Variants in CAV1 observed in about 807,000 individuals in gnomAD.
CAV1 encodes caveolin 1.
Under a neutral mutation model 16.5 loss-of-function variants are expected in CAV1, and 10 were observed. The ratio of observed to expected loss-of-function variants is 0.61; its 90% CI spans 0.37 to 1.03. The LOEUF (loss-of-function observed/expected upper bound fraction) is 1.03, where lower values mean the gene tolerates loss of function less well. Ranked by LOEUF, CAV1 falls within the 50% of genes least tolerant of loss-of-function variation. The probability of loss-of-function intolerance (pLI) is 0.01; values close to 1 mark genes in which losing one functional copy is unlikely to be tolerated. For synonymous variants in CAV1, 76 were observed against 85.1 expected (o/e 0.89, Z 0.59); for missense variants, 212 against 232.8 (o/e 0.91, Z 0.58).
intron 2 of CAV1, among the ~76,000 whole-genome samples, chr7:116,537,488 G>A (rs1793848408): frequency 6.6e-6 from 1 of 152,132 alleles, no homozygotes. Flanking sequence ...TCCTTTTGCA[G>A]ATAAGGAAAC....
In CAV1 at chr7:116,559,131, C is replaced by G; in HGVS notation, c.381C>G (p.Ile127Met). 5 of 1,613,986 alleles carry G rather than the reference C, an allele frequency of 3.1e-6. No individual in the cohort carries two copies. Among genetic ancestry groups the G allele is most frequent in the Non-Finnish European group, 3.4e-6 (4 of 1,179,932 alleles). Residue 127 changes from isoleucine to methionine, a missense_variant, in exon 3 of 3, where the codon ATC (isoleucine) becomes ATG (methionine). By Grantham distance (10) the Ile-to-Met change is conservative. Coordinates refer to ENST00000341049, the MANE Select transcript of CAV1 (RefSeq NM_001753.5). ...TCGCCATTCTCTCTTTCCTGCACATCTGGGCAGTTGTACCATGCATTAAGA... is the reference window on the plus strand; with the variant it reads ...TCGCCATTCTCTCTTTCCTGCACATGTGGGCAGTTGTACCATGCATTAAGA... ...IYFAILSFLH[I>M]WAVVPCIKSF...
chr7:116,533,607 A>G (rs1793731421), intron 2 of CAV1, among the ~76,000 whole-genome samples: 1 of 152,090 alleles, frequency 6.6e-6, no homozygotes, highest in Admixed American at 6.5e-5. Context: ...ATGTGCCACA[A>G]TTCCCGGCTA....
chr7:116,533,960 A>T (rs1344148843), intron 2 of CAV1, among the ~76,000 whole-genome samples: 1 of 151,996 alleles, frequency 6.6e-6, no homozygotes, highest in African/African-American at 2.4e-5. Flanking sequence ...TAATCCTCCT[A>T]TTGAAACATT....
intron 2 of CAV1, among the ~76,000 whole-genome samples, chr7:116,555,524 GAGAGAGAGAGAGAGAGAGAGAAAGA>G (rs1794259465): frequency 8.4e-5 from 1 of 11,956 alleles, no homozygotes; most frequent in Non-Finnish European, 1.7e-4. Flanking sequence ...AAGAAAGAGA[GAGAGAGAGAGAGAGAGAGAGAAAGA>G]AAGAAAGAAA....
chr7:116,537,057 C>G (rs1793834918), intron 2 of CAV1, among the ~76,000 whole-genome samples: 1 of 148,076 alleles, frequency 6.8e-6, no homozygotes, highest in African/African-American at 2.5e-5. Flanking sequence ...AGTCATGTCT[C>G]TTGTTGGTCA....
chr7:116,534,488 C>G (rs897352148), intron 2 of CAV1, among the ~76,000 whole-genome samples: 1 of 143,132 alleles, frequency 7.0e-6, no homozygotes, highest in Non-Finnish European at 1.5e-5. Context: ...CAAGCTCCGT[C>G]TCCCGGGTTC....
rs71528103 is a variant in CAV1 at position 116,559,614 on chromosome 7, GAAAA to G, written c.*338_*341del. The G allele has an allele frequency of 4.6e-5, 18 of 387,868 alleles. No homozygotes were observed. The South Asian group carries it at 5.1e-4, about 11-fold the overall frequency. 24.0% of individuals were successfully genotyped at this position (387,868 alleles called of 1,614,324 possible). The stretch of plus-strand genomic sequence containing the variant: ...GAGAGAAATATGAAGAACTGAGGAG[GAAAA>G]AAAAAAAAAAGAAAAGAACCAACAA... On this transcript the variant is annotated 3_prime_UTR_variant, in exon 3 of 3. Coordinates refer to ENST00000341049, the MANE Select transcript of CAV1 (RefSeq NM_001753.5).
intron 2 of CAV1, among the ~76,000 whole-genome samples, chr7:116,536,491 G>C (rs973687911): frequency 6.6e-6 from 1 of 152,146 alleles, no homozygotes. Context: ...CTCCAAAGCC[G>C]AACATATGTT....
chr7:116,540,796 C>A (rs4730751), intron 2 of CAV1, among the ~76,000 whole-genome samples: 32,949 of 152,050 alleles, frequency 0.22, 3,903 homozygotes, highest in Middle Eastern at 0.3. Flanking sequence ...GTTAAGTAGG[C>A]AACACATAGG....
At chr7:116,538,592 C>T (rs1455317137) in intron 2 of CAV1, among the ~76,000 whole-genome samples, 1 of 152,162 alleles carries the variant, frequency 6.6e-6, no homozygotes, top group Non-Finnish European at 1.5e-5. Context: ...CGATTAATAA[C>T]CACAAATTCA....
At chr7:116,527,073 C>T (rs1793579773) in intron 2 of CAV1, 1 of 334,628 alleles carries the variant, frequency 3.0e-6, no homozygotes, top group African/African-American at 2.1e-5. Context: ...CAGGTCCCCA[C>T]TGCACGTGGC....
intron 2 of CAV1, among the ~76,000 whole-genome samples, chr7:116,552,353 A>G (rs939610893): frequency 1.3e-5 from 2 of 152,234 alleles, no homozygotes; most frequent in Non-Finnish European, 2.9e-5. Context: ...AATAGAGACC[A>G]GTAGTGTTGA....
intron 2 of CAV1, among the ~76,000 whole-genome samples, chr7:116,550,599 T>A (rs1348295276): frequency 1.3e-5 from 2 of 152,116 alleles, no homozygotes; most frequent in Non-Finnish European, 2.9e-5. Context: ...TTTCTCAACC[T>A]CCTCTGCACC....
Position 116,526,278 on chromosome 7 carries a change from G to A in CAV1, c.31-247G>A, listed in dbSNP as rs113695532. The stretch of plus-strand genomic sequence containing the variant: ...TGACCCCTGGCGGCGGGCGGGGGAG[G>A]CAGGCGCGCCCTGCAGAGTACAGAG... On this transcript the variant is annotated intron_variant, in intron 1 of 2. Coordinates refer to ENST00000341049, the MANE Select transcript of CAV1 (RefSeq NM_001753.5). The A allele has an allele frequency of 8.6e-6, 11 of 1,277,334 alleles. No individual in the cohort carries two copies. In the Admixed American group the frequency reaches 1.4e-4, roughly 16 times the overall value. 79.1% of individuals were successfully genotyped at this position (1,277,334 alleles called of 1,614,324 possible). A position where few individuals can be genotyped will look rare whatever the true frequency, so the allele number is the denominator to read the frequency against.
chr7:116,544,993 T>A lies in CAV1; in HGVS notation c.196-13953T>A, dbSNP rs550551950. Among the ~76,000 whole-genome samples, 4 of 152,318 alleles carry A rather than the reference T, an allele frequency of 2.6e-5. No individual in the cohort carries two copies. In the South Asian group the frequency reaches 8.3e-4, roughly 32 times the overall value. On this transcript the variant is annotated intron_variant, in intron 2 of 2. Coordinates refer to ENST00000341049, the MANE Select transcript of CAV1 (RefSeq NM_001753.5). The stretch of plus-strand genomic sequence containing the variant: ...ACGTAGACGCTTCATAAATATTGTA[T>A]AAATGAATGAACTCACAAAGTCACA...
chr7:116,526,181 C>A lies in CAV1; in HGVS notation c.31-344C>A, dbSNP rs562440389. 1.9e-5 allele frequency: 13 copies of A among 668,636 alleles called. No homozygotes were observed. In the East Asian group the frequency reaches 1.3e-3, roughly 65 times the overall value. The allele number at this position is 668,636 out of a possible 1,614,324, so 41.4% of individuals were successfully genotyped here. ...CCCTCGCCGCCGAGGTCCTGCGGGT[C>A]CTGCGGGTCCTGCGTGCTGAGCCGG... On this transcript the variant is annotated intron_variant, in intron 1 of 2. Transcript: ENST00000341049.
At chr7:116,542,736 T>C (rs777403606) in intron 2 of CAV1, 6 of 152,244 alleles carry the variant, frequency 3.9e-5, no homozygotes, top group Non-Finnish European at 8.8e-5. Flanking sequence ...TTCCTTTCCT[T>C]TGCCTGTTTA....
At chr7:116,525,900 A>G in intron 1 of CAV1, 1 of 936,596 alleles carries the variant, frequency 1.1e-6, no homozygotes, top group Non-Finnish European at 1.3e-6. Flanking sequence ...CGGATTGAGC[A>G]GGGAGAGCCG....
At chr7:116,543,687 GTGCATAATTACT>G (rs1359384422) in intron 2 of CAV1, among the ~76,000 whole-genome samples, 1 of 152,162 alleles carries the variant, frequency 6.6e-6, no homozygotes, top group South Asian at 2.1e-4. Context: ...TGACAGAGAA[GTGCATAATTACT>G]TGCAACTTTA....
Sources: allele counts gnomAD v4.1 joint callset (sites outside exome capture counted in the v4.1 genomes callset), GRCh38; gene constraint gnomAD v4.1.1; transcripts MANE v1.5; gene names NCBI Gene and HGNC (gene_info 2026-07-23, HGNC 2026-07-21).